Variants in SGCZ observed in about 807,000 individuals in gnomAD.
SGCZ encodes sarcoglycan zeta.
In SGCZ, 40 loss-of-function variants were observed where a neutral mutation model predicts 41.3. That is an observed-to-expected ratio of 0.97 (90% CI 0.75 to 1.26). The LOEUF (loss-of-function observed/expected upper bound fraction) is 1.26. Among genes scored for constraint, SGCZ ranks in the 50% most tolerant of loss-of-function variants. The pLI, the probability that SGCZ is intolerant of heterozygous loss-of-function variation, is 0.00. For synonymous variants in SGCZ, 206 were observed against 137.5 expected (o/e 1.50, Z -3.49); for missense variants, 552 against 369.8 (o/e 1.49, Z -4.04).
At chr8:14,193,317 A>G (rs1426799772) in intron 4 of SGCZ, among the ~76,000 whole-genome samples, 1 of 122,858 alleles carries the variant, frequency 8.1e-6, no homozygotes, top group African/African-American at 3.1e-5. Flanking sequence ...CCTCTTTCCT[A>G]TAAAAAATGC....
chr8:14,409,823 T>C (rs1422120983), intron 2 of SGCZ, among the ~76,000 whole-genome samples: 5 of 152,218 alleles, frequency 3.3e-5, no homozygotes, highest in Admixed American at 2.0e-4. Flanking sequence ...GCTTTCCTAA[T>C]ATAAACAATT....
At chr8:14,109,023 C>T (rs1391177548) in intron 5 of SGCZ, among the ~76,000 whole-genome samples, 1 of 152,074 alleles carries the variant, frequency 6.6e-6, no homozygotes, top group African/African-American at 2.4e-5. Context: ...TTTTTAAAGA[C>T]AAACCCTCAT....
chr8:14,644,589 A>T (rs1668586822), intron 1 of SGCZ, among the ~76,000 whole-genome samples: 1 of 151,786 alleles, frequency 6.6e-6, no homozygotes, highest in South Asian at 2.1e-4. Context: ...TCGAAAATCA[A>T]TGAGTTTTGG....
chr8:14,754,991 A>C (rs554729162), intron 1 of SGCZ, among the ~76,000 whole-genome samples: 1 of 152,144 alleles, frequency 6.6e-6, no homozygotes, highest in Non-Finnish European at 1.5e-5. Flanking sequence ...TGGCCTCCCA[A>C]AGTTCTAGGA....
chr8:14,580,039 G>A (rs937719480), intron 1 of SGCZ, among the ~76,000 whole-genome samples: 3 of 152,172 alleles, frequency 2.0e-5, no homozygotes, highest in African/African-American at 7.2e-5. Flanking sequence ...TTGGCTGAAG[G>A]TTCATTCATG....
intron 1 of SGCZ, among the ~76,000 whole-genome samples, chr8:14,995,032 G>C (rs1475212077): frequency 6.6e-6 from 1 of 152,216 alleles, no homozygotes; most frequent in African/African-American, 2.4e-5. Context: ...TGTTTCTTAG[G>C]ACCATGAGAA....
chr8:14,747,932 G>T (rs1288262821), intron 1 of SGCZ, among the ~76,000 whole-genome samples: 1 of 148,086 alleles, frequency 6.8e-6, no homozygotes, highest in East Asian at 2.0e-4. Context: ...CGCCATGTTG[G>T]CCAGGCTAGT....
intron 1 of SGCZ, among the ~76,000 whole-genome samples, chr8:14,893,556 G>A (rs114588748): frequency 4.6e-5 from 7 of 152,230 alleles, no homozygotes; most frequent in African/African-American, 1.7e-4. Flanking sequence ...ATGCTAGACT[G>A]TGAATAATTA....
chr8:15,070,724 G>T (rs370205246), intron 1 of SGCZ, among the ~76,000 whole-genome samples: 1 of 152,178 alleles, frequency 6.6e-6, no homozygotes, highest in African/African-American at 2.4e-5. Context: ...AAGCTTTACA[G>T]TTAACTTCTT....
chr8:14,607,513 A>C (rs1252916940), intron 1 of SGCZ, among the ~76,000 whole-genome samples: 1 of 152,182 alleles, frequency 6.6e-6, no homozygotes, highest in African/African-American at 2.4e-5. Context: ...AATATGTTAC[A>C]TTGATTCTTC....
chr8:14,351,200 T>C (rs1803078411), intron 2 of SGCZ, among the ~76,000 whole-genome samples: 1 of 152,196 alleles, frequency 6.6e-6, no homozygotes, highest in East Asian at 1.9e-4. Context: ...TTATTACTGG[T>C]ATTACCGGTA....
chr8:14,726,479 A>T (rs1810061125), intron 1 of SGCZ, among the ~76,000 whole-genome samples: 1 of 151,542 alleles, frequency 6.6e-6, no homozygotes, highest in Admixed American at 6.6e-5. Flanking sequence ...GTTTATATAT[A>T]TTTCAAAAAA....
chr8:14,270,607 G>A (rs952146832), intron 3 of SGCZ, among the ~76,000 whole-genome samples: 4 of 152,090 alleles, frequency 2.6e-5, no homozygotes, highest in African/African-American at 9.7e-5. Context: ...AGCTAAGATT[G>A]GGTTGTGTGA....
chr8:14,092,026 T>C (rs928204458), intron 7 of SGCZ, among the ~76,000 whole-genome samples: 11 of 152,262 alleles, frequency 7.2e-5, no homozygotes, highest in African/African-American at 2.6e-4. Context: ...AGGTTCAGCT[T>C]TCTGCGTATG....
chr8:14,606,112 C>A (rs535105195), intron 1 of SGCZ, among the ~76,000 whole-genome samples: 1 of 152,142 alleles, frequency 6.6e-6, no homozygotes, highest in South Asian at 2.1e-4. Flanking sequence ...TTTTCTATTA[C>A]CACCGAGGAA....
chr8:15,218,544 G>T (rs1801491816), intron 1 of SGCZ, among the ~76,000 whole-genome samples: 1 of 152,156 alleles, frequency 6.6e-6, no homozygotes, highest in Admixed American at 6.6e-5. Context: ...ATACATCCAT[G>T]CAAAGACCAA....
At chr8:14,470,861 T>C (rs1295336121) in intron 2 of SGCZ, among the ~76,000 whole-genome samples, 1 of 152,144 alleles carries the variant, frequency 6.6e-6, no homozygotes, top group Admixed American at 6.6e-5. Context: ...CAGTTCTTTG[T>C]GTATTTAGAC....
intron 1 of SGCZ, among the ~76,000 whole-genome samples, chr8:15,009,570 T>C (rs1171411160): frequency 6.6e-6 from 1 of 152,212 alleles, no homozygotes; most frequent in East Asian, 1.9e-4. Flanking sequence ...TGCAATGTCA[T>C]ATAACAAGTG....
intron 2 of SGCZ, among the ~76,000 whole-genome samples, chr8:14,493,127 G>T (rs1290418914): frequency 6.6e-6 from 1 of 151,846 alleles, no homozygotes; most frequent in Non-Finnish European, 1.5e-5. Context: ...AAATTGCTCT[G>T]TTTAAAAACT....
Sources: gnomAD v4.1 joint callset for allele counts (sites outside exome capture counted in the v4.1 genomes callset) on GRCh38, gnomAD v4.1.1 for gene constraint, MANE v1.5 for transcripts, NCBI Gene and HGNC (gene_info 2026-07-23, HGNC 2026-07-21) for gene names.